ZNF331: variants seen among roughly 807,000 people sequenced by gnomAD.
ZNF331 encodes the protein C2H2-like zinc finger protein rearranged in thyroid adenomas.
ZNF331 carries 2 observed loss-of-function variants against 7.0 expected under a neutral mutation model. The observed-to-expected ratio is 0.29, with a 90% CI of 0.12 to 0.90. The LOEUF is 0.90. ZNF331 is among the 40% of genes least tolerant of loss of function. ZNF331 has a pLI of 0.58. For synonymous variants in ZNF331, 196 were observed against 205.4 expected, an observed-to-expected ratio of 0.95 and a Z score of 0.39; for missense variants, 432 against 587.7, an observed-to-expected ratio of 0.74 and a Z score of 2.74.
upstream of ZNF331, among the ~76,000 whole-genome samples, chr19:53,520,703 A>G (rs34859319): frequency 0.38 from 58,137 of 151,884 alleles, 11,340 homozygotes; most frequent in South Asian, 0.48. Flanking sequence ...GCATGGCTCC[A>G]TTAGGGCCGT....
At chr19:53,572,534 T>C (rs927193430) in intron 5 of ZNF331, among the ~76,000 whole-genome samples, 1 of 142,658 alleles carries the variant, frequency 7.0e-6, no homozygotes, top group African/African-American at 2.8e-5. Flanking sequence ...TTTATATATA[T>C]ACACACACAT....
intron 3 of ZNF331, among the ~76,000 whole-genome samples, chr19:53,562,406 C>G (rs2089936333): frequency 1.3e-5 from 2 of 151,740 alleles, no homozygotes; most frequent in South Asian, 4.2e-4. Context: ...ACACAAGATT[C>G]ACGCCGGGTG....
Position 53,539,739 on chromosome 19 carries a change from A to G in ZNF331, c.-138+457A>G, listed in dbSNP as rs763691286. Among the ~76,000 whole-genome samples, 29 of 152,126 alleles carry G rather than the reference A, an allele frequency of 1.9e-4. No individual in the cohort carries two copies. The highest frequency in any genetic ancestry group is 2.9e-5 in the Non-Finnish European group (2 of 68,008). On this transcript the variant is annotated intron_variant, in intron 2 of 5. Coordinates refer to ENST00000449416, the MANE Select transcript of ZNF331 (RefSeq NM_001079906.2). This position sits in a 1 kb window ranked among gnomAD's most constrained non-coding sequence, Gnocchi z 6.1. ...CCCACCACCACCACCCTAAGGAGAT[A>G]CTCTGTAATTTCATGGCATTAAGAA...
intron 2 of ZNF331, among the ~76,000 whole-genome samples, chr19:53,550,183 C>T (rs2088890038): frequency 6.6e-6 from 1 of 152,132 alleles, no homozygotes; most frequent in Admixed American, 6.5e-5. Flanking sequence ...TTCCTGTGTA[C>T]TTGAGAAGAA....
At chr19:53,563,788 G>A (rs1175931022) in intron 3 of ZNF331, 1 of 151,996 alleles carries the variant, frequency 6.6e-6, no homozygotes, top group African/African-American at 2.4e-5. Context: ...AACCGACACT[G>A]TGAGGTTAGT....
chr19:53,578,679 TGA>T lies in ZNF331; in HGVS notation c.*731_*732del, dbSNP rs2090825199. On this transcript the variant is annotated 3_prime_UTR_variant, in exon 6 of 6. Coordinates refer to ENST00000449416, the MANE Select transcript of ZNF331 (RefSeq NM_001079906.2). ...GGTCTTCAAACGTACCCCCCTCAGG[TGA>T]GAGGGGACTGCTGTACAAAGAATAT... The T allele has an allele frequency of 4.8e-6, 1 of 208,210 alleles. No homozygotes were observed. The highest frequency in any genetic ancestry group is 9.8e-6 in the Non-Finnish European group (1 of 102,350). 12.9% of individuals were successfully genotyped at this position (208,210 alleles called of 1,614,324 possible).
intron 3 of ZNF331, among the ~76,000 whole-genome samples, chr19:53,556,976 T>A: frequency 1.9e-5 from 1 of 52,844 alleles, no homozygotes; most frequent in African/African-American, 7.3e-5. Context: ...TGGCTCTTTT[T>A]TTTTTTTTTT....
upstream of ZNF331, among the ~76,000 whole-genome samples, chr19:53,533,508 G>A (rs139725486): frequency 4.3e-3 from 654 of 152,236 alleles, 4 homozygotes; most frequent in African/African-American, 0.015. Flanking sequence ...AAGTCCATTT[G>A]GTCTAAAGTA....
upstream of ZNF331, among the ~76,000 whole-genome samples, chr19:53,535,801 C>CT (rs558002929): frequency 0.028 from 3,998 of 143,280 alleles, 134 homozygotes; most frequent in African/African-American, 0.078. Flanking sequence ...AAAATGTTCA[C>CT]TTTTTTTTTT....
intron 5 of ZNF331, among the ~76,000 whole-genome samples, chr19:53,572,960 T>C (rs974292709): frequency 5.3e-5 from 8 of 152,208 alleles, no homozygotes; most frequent in African/African-American, 1.2e-4. Flanking sequence ...GGCTCACGCC[T>C]GTAATCCCAG....
intron 5 of ZNF331, among the ~76,000 whole-genome samples, chr19:53,572,610 AT>A (rs202037851): frequency 1.7e-5 from 1 of 59,162 alleles, no homozygotes; most frequent in African/African-American, 9.5e-5. Flanking sequence ...ACACATATAT[AT>A]TATATATACA....
At chr19:53,515,719 A>G (rs1378811343), upstream of ZNF331, among the ~76,000 whole-genome samples, 2 of 151,422 alleles carry the variant, frequency 1.3e-5, no homozygotes, top group African/African-American at 2.4e-5. Context: ...CTGGTCTCAA[A>G]CTCCCGACCT....
At chr19:53,526,214 CA>C (rs1161255553) in intron 2 of ZNF331, among the ~76,000 whole-genome samples, 1 of 152,142 alleles carries the variant, frequency 6.6e-6, no homozygotes, top group Non-Finnish European at 1.5e-5. Flanking sequence ...TTAGGTTTAT[CA>C]AAGGTACTGG....
chr19:53,553,436 A>G (rs2089145954), intron 2 of ZNF331, among the ~76,000 whole-genome samples: 1 of 152,256 alleles, frequency 6.6e-6, no homozygotes, highest in Non-Finnish European at 1.5e-5. Flanking sequence ...AGGCTTTCTC[A>G]GTATTATGTG....
intron 2 of ZNF331, among the ~76,000 whole-genome samples, chr19:53,540,982 A>C (rs2088122532): frequency 6.6e-6 from 1 of 152,208 alleles, no homozygotes; most frequent in African/African-American, 2.4e-5. Context: ...TCAGCCCATT[A>C]GCAATTTTAG....
Position 53,577,845 on chromosome 19 carries a change from C to T in ZNF331, c.1285C>T (p.His429Tyr). Reference sequence around the variant, plus strand: ...TAGTCACGGCCATCAGCTTACACAACATCAGAAAACGCACAGTGGGGCGAA... The same window carrying T: ...TAGTCACGGCCATCAGCTTACACAATATCAGAAAACGCACAGTGGGGCGAA... ...SFSHGHQLTQ[H>Y]QKTHSGAKSY... The change falls in exon 6 of 6, where the codon CAT becomes TAT. Residue 429 changes from histidine to tyrosine, a missense_variant. By Grantham distance (83) the His-to-Tyr change is moderately conservative. Around this residue, in one of 3 missense-constraint regions of ZNF331, gnomAD observed 312 missense variants for 448.6 expected, o/e 0.70. Transcript: ENST00000449416. 6.2e-7 allele frequency: 1 copy of T among 1,613,958 alleles called. No homozygotes were observed.
rs1227809746 is a variant in ZNF331, at chr19:53,575,489, T to C, written c.137-1208T>C. On this transcript the variant is annotated intron_variant, in intron 5 of 5. Transcript: ENST00000449416. Reference sequence around the variant, plus strand: ...GTTGCTTTTGAATGTTGTATTCTTTTACCCAGTTGCTTTTTTTTTTTTTTT... The same window carrying C: ...GTTGCTTTTGAATGTTGTATTCTTTCACCCAGTTGCTTTTTTTTTTTTTTT... 3.3e-5 allele frequency among the ~76,000 whole-genome samples: 5 copies of C among 149,524 alleles called. No homozygotes were observed. The East Asian group carries it at 7.8e-4, about 23-fold the overall frequency.
At chr19:53,537,422 T>C (rs1258455760), upstream of ZNF331, 2 of 152,276 alleles carry the variant, frequency 1.3e-5, no homozygotes, top group Non-Finnish European at 2.9e-5. Context: ...AGGATACCCT[T>C]CTGAGGACAG....
upstream of ZNF331, among the ~76,000 whole-genome samples, chr19:53,517,747 G>T (rs2086936817): frequency 6.6e-6 from 1 of 152,204 alleles, no homozygotes; most frequent in African/African-American, 2.4e-5. Context: ...CTCAGTCCAA[G>T]TCCAGAAGCC....
Sources: allele counts gnomAD v4.1 joint callset (sites outside exome capture counted in the v4.1 genomes callset), GRCh38; gene constraint gnomAD v4.1.1; regional missense constraint gnomAD v4.1.1; non-coding constraint Gnocchi (gnomAD v3.1); transcripts MANE v1.5; gene names NCBI Gene and HGNC (gene_info 2026-07-23, HGNC 2026-07-21).